Variants in CADM2 observed in about 807,000 individuals in gnomAD.
The protein encoded by CADM2 is immunoglobulin superfamily member 4D.
In CADM2, 12 loss-of-function variants were observed where a neutral mutation model predicts 49.8. That is an observed-to-expected ratio of 0.24 (90% confidence interval 0.15 to 0.39). The LOEUF (loss-of-function observed/expected upper bound fraction) is 0.39, where lower values mean the gene tolerates loss of function less well. CADM2 is among the 10% of genes least tolerant of loss of function. CADM2 has a pLI of 1.00. For synonymous variants in CADM2, 214 were observed against 175.4 expected, an observed-to-expected ratio of 1.22 and a Z score of -1.74; for missense variants, 378 against 492.3, an observed-to-expected ratio of 0.77 and a Z score of 2.20.
chr3:85,413,591 G>A (rs1489344805), intron 1 of CADM2, among the ~76,000 whole-genome samples: 5 of 152,152 alleles, frequency 3.3e-5, no homozygotes, highest in Non-Finnish European at 5.9e-5. Flanking sequence ...AAGCAGGAAC[G>A]TCTACAAGGG....
chr3:85,465,923 A>G (rs898750408), intron 1 of CADM2, among the ~76,000 whole-genome samples: 2 of 152,332 alleles, frequency 1.3e-5, no homozygotes, highest in East Asian at 3.9e-4. Context: ...TTCTAGAAGC[A>G]AAGAATTGCT....
At chr3:85,964,465 A>G (rs1203073433) in intron 8 of CADM2, among the ~76,000 whole-genome samples, 1 of 151,746 alleles carries the variant, frequency 6.6e-6, no homozygotes, top group Admixed American at 6.6e-5. Flanking sequence ...GTGTCAGTGC[A>G]TTATTTAAGT....
Position 86,018,857 on chromosome 3 carries a change from G to C in CADM2, c.971-46748G>C, listed in dbSNP as rs76538006. On this transcript the variant is annotated intron_variant, in intron 8 of 9. Coordinates refer to ENST00000383699, the MANE Select transcript of CADM2 (RefSeq NM_001167675.2). ...GTTCACTCTGATGGTAGTTTCTTTT[G>C]CTGTGCAGAAGCTCTTTAGTTTAAT... 8.2e-3 allele frequency among the ~76,000 whole-genome samples: 1,232 copies of C among 150,794 alleles called. 18 individuals are homozygous for C. The highest frequency in any genetic ancestry group is 0.027 in the African/African-American group (1,084 of 40,866).
intron 1 of CADM2, among the ~76,000 whole-genome samples, chr3:85,408,296 G>T (rs2035494955): frequency 6.6e-6 from 1 of 152,100 alleles, no homozygotes; most frequent in African/African-American, 2.4e-5. Flanking sequence ...TAGAAGAAAA[G>T]ACTAAAAAAT....
At chr3:85,951,539 A>C (rs963088327) in intron 7 of CADM2, among the ~76,000 whole-genome samples, 1 of 150,990 alleles carries the variant, frequency 6.6e-6, no homozygotes, top group African/African-American at 2.4e-5. Flanking sequence ...AAACATGTCT[A>C]TTTTCAATAT....
At chr3:85,468,840 T>G (rs894117477) in intron 1 of CADM2, among the ~76,000 whole-genome samples, 19 of 152,172 alleles carry the variant, frequency 1.2e-4, no homozygotes, top group African/African-American at 4.3e-4. Flanking sequence ...ATCACCACTG[T>G]GGGCAACTGG....
chr3:85,996,449 T>C (rs1292831051), intron 8 of CADM2, among the ~76,000 whole-genome samples: 1 of 151,888 alleles, frequency 6.6e-6, no homozygotes, highest in African/African-American at 2.4e-5. Context: ...AGGCGCATGC[T>C]ACCTAGTTGC....
At chr3:85,089,644 A>G (rs950002728) in intron 1 of CADM2, among the ~76,000 whole-genome samples, 20 of 152,176 alleles carry the variant, frequency 1.3e-4, no homozygotes, top group African/African-American at 4.6e-4. Context: ...ACTGAAAAGT[A>G]TTTCCAACCT....
intron 2 of CADM2, among the ~76,000 whole-genome samples, chr3:85,781,639 G>T (rs2070656383): frequency 6.6e-6 from 1 of 152,144 alleles, no homozygotes; most frequent in Admixed American, 6.5e-5. Context: ...TAACTGAGAT[G>T]TAAAACCTCC....
At chr3:86,044,053 A>G (rs981781398) in intron 8 of CADM2, among the ~76,000 whole-genome samples, 2 of 152,234 alleles carry the variant, frequency 1.3e-5, no homozygotes, top group African/African-American at 4.8e-5. Flanking sequence ...CTTATACAAA[A>G]ATAAATTCAA....
intron 6 of CADM2, among the ~76,000 whole-genome samples, chr3:85,929,791 C>T (rs773710738): frequency 2.0e-5 from 3 of 152,046 alleles, no homozygotes; most frequent in Non-Finnish European, 2.9e-5. Flanking sequence ...TAGTTCTAAA[C>T]GCATTTACAA....
At chr3:86,028,549 T>C (rs1674080008) in intron 8 of CADM2, among the ~76,000 whole-genome samples, 1 of 152,186 alleles carries the variant, frequency 6.6e-6, no homozygotes, top group African/African-American at 2.4e-5. Flanking sequence ...TCTTTTACAC[T>C]CCTCTCTTTT....
At chr3:85,606,866 G>GTGCAGCATATTT (rs2063553357) in intron 1 of CADM2, among the ~76,000 whole-genome samples, 1 of 152,022 alleles carries the variant, frequency 6.6e-6, no homozygotes, top group Admixed American at 6.6e-5. Flanking sequence ...TGCATTATTG[G>GTGCAGCATATTT]AAGTGAAGCA....
chr3:85,167,700 A>T (rs1359986963), intron 1 of CADM2, among the ~76,000 whole-genome samples: 2 of 152,172 alleles, frequency 1.3e-5, no homozygotes, highest in East Asian at 3.9e-4. Context: ...TCCAAATTTT[A>T]GTTTGCGTTC....
chr3:85,832,104 C>T (rs2074212859), intron 3 of CADM2, among the ~76,000 whole-genome samples: 1 of 151,836 alleles, frequency 6.6e-6, no homozygotes, highest in Non-Finnish European at 1.5e-5. Context: ...CCCTATTGCT[C>T]ATCATTGTTG....
At chr3:85,366,755 A>G (rs1192136469) in intron 1 of CADM2, among the ~76,000 whole-genome samples, 1 of 152,104 alleles carries the variant, frequency 6.6e-6, no homozygotes, top group Non-Finnish European at 1.5e-5. Context: ...CTGTCACTCA[A>G]TGAATGACAT....
intron 1 of CADM2, among the ~76,000 whole-genome samples, chr3:85,283,638 G>C (rs2043558102): frequency 6.6e-6 from 1 of 151,994 alleles, no homozygotes; most frequent in South Asian, 2.1e-4. Context: ...TTTTATTTTA[G>C]TTTTCATCAG....
intron 1 of CADM2, among the ~76,000 whole-genome samples, chr3:84,980,202 A>T (rs2032086763): frequency 6.6e-6 from 1 of 152,186 alleles, no homozygotes; most frequent in Non-Finnish European, 1.5e-5. Flanking sequence ...TGCCTGGCTT[A>T]GCTGCCAACA....
chr3:85,236,705 C>A (rs182453037), intron 1 of CADM2, among the ~76,000 whole-genome samples: 161 of 152,104 alleles, frequency 1.1e-3, no homozygotes, highest in African/African-American at 3.8e-3. Context: ...CCTTCTCTAC[C>A]AACCATCATT....
Sources: gnomAD v4.1 joint callset for allele counts (sites outside exome capture counted in the v4.1 genomes callset) on GRCh38, gnomAD v4.1.1 for gene constraint, MANE v1.5 for transcripts, NCBI Gene and HGNC (gene_info 2026-07-23, HGNC 2026-07-21) for gene names.